The following PARP1 variants were observed in gnomAD, a reference collection of about 807,000 sequenced individuals.
PARP1 encodes poly [ADP-ribose] polymerase 1.
A neutral mutation model predicts 118.7 loss-of-function variants in PARP1; 44 were observed. The ratio of observed to expected loss-of-function variants is 0.37; its 90% CI spans 0.29 to 0.48. PARP1 has a LOEUF of 0.48. PARP1 is among the 20% of genes least tolerant of loss of function. PARP1 has a pLI of 0.99. For synonymous variants in PARP1, 492 were observed against 483.2 expected, an observed-to-expected ratio of 1.02 and a Z score of -0.24; for missense variants, 1,100 against 1,272.4, an observed-to-expected ratio of 0.86 and a Z score of 2.06.
In PARP1 at chr1:226,363,969, C is replaced by G. The variant is rs1486901935; in HGVS notation, c.2760G>C (p.Leu920=). 2.5e-6 allele frequency: 4 copies of G among 1,613,908 alleles called. No individual in the cohort carries two copies. Among genetic ancestry groups the G allele is most frequent in the African/African-American group, 1.3e-5 (1 of 74,936 alleles). ...TSQGDPIGLI[L]LGEVALGNMY... ...TGTTTCCAAGGGCAACTTCTCCCAA[C>G]AGGATTAAGCCTATTGGGTCTCCCT... Residue 920 remains leucine (L), a synonymous_variant, in exon 20 of 23, where the codon CTG becomes CTC. Transcript: ENST00000366794.
intron 1 of PARP1, among the ~76,000 whole-genome samples, chr1:226,404,318 CA>C (rs1205171893): frequency 6.6e-6 from 1 of 152,212 alleles, no homozygotes; most frequent in African/African-American, 2.4e-5. Flanking sequence ...AACGTTCCAC[CA>C]GATCTCAATT....
intron 7 of PARP1, 45 bp downstream of exon 7, chr1:226,385,459 A>G: frequency 6.4e-7 from 1 of 1,574,322 alleles, no homozygotes. Context: ...AAGTGGGGCC[A>G]GGTTTTTCTC....
chr1:226,378,717 C>T (rs1222471625), intron 12 of PARP1, among the ~76,000 whole-genome samples: 8 of 152,120 alleles, frequency 5.3e-5, no homozygotes, highest in Non-Finnish European at 8.8e-5. Context: ...CACCTATAGT[C>T]CCAGTTACTC....
chr1:226,367,603 C>T lies in PARP1; in HGVS notation c.2283G>A (p.Lys761=), dbSNP rs1282324909. The change falls in exon 17 of 23, where the codon AAG becomes AAA. Residue 761 remains lysine (K), a synonymous_variant. Coordinates refer to ENST00000366794, the MANE Select transcript of PARP1 (RefSeq NM_001618.4). ...LLNNADSVQA[K]VEMLDNLLDI... ...CCAGCAGGTTGTCAAGCATTTCCAC[C>T]TTGGCCTGGAGGAGCAAAAGAAAGC... The T allele has an allele frequency of 1.2e-6, 2 of 1,614,128 alleles. No individual in the cohort carries two copies. Among genetic ancestry groups the T allele is most frequent in the South Asian group, 1.1e-5 (1 of 91,078 alleles).
At chr1:226,364,117 T>C (rs1180446710) in intron 19 of PARP1, 47 bp from the exon 20 acceptor site, 2 of 1,605,852 alleles carry the variant, frequency 1.2e-6, no homozygotes, top group African/African-American at 2.7e-5. Flanking sequence ...GATGGGAAAT[T>C]AGGAGCAGCT....
At chr1:226,363,296 C>A (rs1664189139) in intron 20 of PARP1, 136 bp from the exon 21 acceptor site, 5 of 724,442 alleles carry the variant, frequency 6.9e-6, no homozygotes, top group Non-Finnish European at 1.3e-5. Context: ...ACTGCTCAGG[C>A]TCCCTCCTGA....
chr1:226,406,375 G>C (rs1665147615), intron 1 of PARP1, among the ~76,000 whole-genome samples: 1 of 152,220 alleles, frequency 6.6e-6, no homozygotes. Context: ...CTTCATAACA[G>C]GCTGCCTTGT....
At chr1:226,398,928 T>C (rs1203126055) in intron 2 of PARP1, among the ~76,000 whole-genome samples, 1 of 152,216 alleles carries the variant, frequency 6.6e-6, no homozygotes, top group African/African-American at 2.4e-5. Context: ...TTCTAGCAGC[T>C]TTGTTCATAA....
At position 226,381,077 on chromosome 1, in the gene PARP1, T is replaced by G. The variant is rs1664595059; in HGVS notation, c.1291A>C (p.Ser431Arg). ...GTANKASLCI[S>R]TKKEVEKMNK... Reference sequence around the variant, plus strand: ...TTCAGATTCAACTCACTTTTGGTGCTGATGCACAGGGAAGCCTTGTTGGCC... The same window carrying G: ...TTCAGATTCAACTCACTTTTGGTGCGGATGCACAGGGAAGCCTTGTTGGCC... The change falls in exon 9 of 23, where the codon AGC becomes CGC. Residue 431 changes from serine (S) to arginine (R), a missense_variant. Physicochemically the swap from Ser to Arg is moderately radical, Grantham distance 110. This residue lies in a region of PARP1 where 948 missense variants were observed against 1,031.8 expected (regional missense o/e 0.92). Coordinates refer to ENST00000366794, the MANE Select transcript of PARP1 (RefSeq NM_001618.4). 6.2e-7 allele frequency: 1 copy of G among 1,614,120 alleles called. No homozygotes were observed. Among genetic ancestry groups the G allele is most frequent in the Non-Finnish European group, 8.5e-7 (1 of 1,180,048 alleles).
intron 1 of PARP1, among the ~76,000 whole-genome samples, chr1:226,405,763 C>A (rs973192006): frequency 6.6e-6 from 1 of 152,166 alleles, no homozygotes; most frequent in African/African-American, 2.4e-5. Flanking sequence ...ACTCTGCCCA[C>A]CTGTTAAGGC....
At chr1:226,405,190 G>C (rs1001847550) in intron 1 of PARP1, among the ~76,000 whole-genome samples, 1 of 152,172 alleles carries the variant, frequency 6.6e-6, no homozygotes, top group African/African-American at 2.4e-5. Context: ...TTAAAACTCT[G>C]AATCCACCCT....
In PARP1 at chr1:226,368,332, G is replaced by A. The variant is rs1664314090; in HGVS notation, c.2155-11C>T. The A allele has an allele frequency of 6.2e-7, 1 of 1,614,080 alleles. No individual in the cohort carries two copies. The highest frequency in any genetic ancestry group is 1.3e-5 in the African/African-American group (1 of 75,054). On this transcript the variant is annotated splice_polypyrimidine_tract_variant and intron_variant, in intron 15 of 22. Coordinates refer to ENST00000366794, the MANE Select transcript of PARP1 (RefSeq NM_001618.4). ...GCCCTGAGACACCGCCTGGAGAGGA[G>A]GGGACAGAAGGAATGCAAGACTGAG...
chr1:226,385,046 T>C (rs1285975549), intron 7 of PARP1, among the ~76,000 whole-genome samples: 1 of 152,102 alleles, frequency 6.6e-6, no homozygotes, highest in Non-Finnish European at 1.5e-5. Context: ...GAGAATTCCA[T>C]AAGCAGTTCC....
chr1:226,361,200 T>A lies in PARP1; in HGVS notation c.*260A>T. 2 of 551,942 alleles carry A rather than the reference T, an allele frequency of 3.6e-6. No individual in the cohort carries two copies. The highest frequency in any genetic ancestry group is 6.5e-6 in the Non-Finnish European group (2 of 306,488). 34.2% of individuals were successfully genotyped at this position (551,942 alleles called of 1,614,324 possible). ...TATGCAACAGAATCTCTCTCCAGCC[T>A]TTTCTCTATGTCAGTTTTATCTACC... On this transcript the variant is annotated 3_prime_UTR_variant, in exon 23 of 23. Transcript: ENST00000366794.
At chr1:226,381,033 A>G in intron 9 of PARP1, 35 bp downstream of exon 9, 1 of 1,612,646 alleles carries the variant, frequency 6.2e-7, no homozygotes, top group Non-Finnish European at 8.5e-7. Flanking sequence ...ATACAGAAGC[A>G]TTGTCCCTGT....
chr1:226,362,856 T>A (rs1414824262), intron 21 of PARP1, among the ~76,000 whole-genome samples: 1 of 149,018 alleles, frequency 6.7e-6, no homozygotes, highest in Non-Finnish European at 1.5e-5. Flanking sequence ...TTGCCTATTT[T>A]TTTTTTTTTT....
At position 226,385,575 on chromosome 1, in the gene PARP1, C is replaced by T. The variant is rs2102738471; in HGVS notation, c.940G>A (p.Asp314Asn). The change falls in exon 7 of 23, where the codon GAC becomes AAC. Residue 314 changes from aspartate to asparagine, a missense_variant. Asp to Asn is a conservative substitution (Grantham distance 23). Transcript: ENST00000366794. Reference sequence around the variant, plus strand: ...ATACACTTGGTCCAGGCAGTGACGTCCCCAGTGCAGTAATAGGCATCGCTC... The same window carrying T: ...ATACACTTGGTCCAGGCAGTGACGTTCCCAGTGCAGTAATAGGCATCGCTC... ...FKSDAYYCTG[D>N]VTAWTKCMVK... 1.9e-6 allele frequency: 3 copies of T among 1,614,140 alleles called. 1 individual carries two copies. In the South Asian group the frequency reaches 3.3e-5, roughly 18 times the overall value.
At chr1:226,386,604 T>C (rs1002796252) in intron 5 of PARP1, among the ~76,000 whole-genome samples, 162 bp from the exon 6 acceptor site, 3 of 152,192 alleles carry the variant, frequency 2.0e-5, no homozygotes, top group Admixed American at 6.5e-5. Flanking sequence ...CTCCCAGTCA[T>C]GCTCCTGTGG....
In PARP1 at chr1:226,364,420, C is replaced by A. The variant is rs138388692; in HGVS notation, c.2659-350G>T. 8.3e-4 allele frequency: 288 copies of A among 348,104 alleles called. 1 individual carries two copies. Among genetic ancestry groups the A allele is most frequent in the Middle Eastern group, 5.1e-3 (5 of 988 alleles). 21.6% of individuals were successfully genotyped at this position (348,104 alleles called of 1,614,324 possible). A position where few individuals can be genotyped will look rare whatever the true frequency, so the allele number is the denominator to read the frequency against. On this transcript the variant is annotated intron_variant, in intron 19 of 22. Transcript: ENST00000366794. ...CCTGTCAACACCCAAGGAATGCAGG[C>A]TGGTATTTTTATTCCCTTTTGTAAA...
Sources: allele counts gnomAD v4.1 joint callset (sites outside exome capture counted in the v4.1 genomes callset), GRCh38; gene constraint gnomAD v4.1.1; regional missense constraint gnomAD v4.1.1; transcripts MANE v1.5; gene names NCBI Gene and HGNC (gene_info 2026-07-23, HGNC 2026-07-21).